PPM1H: variants seen among roughly 807,000 people sequenced by gnomAD.
The protein encoded by PPM1H is protein phosphatase 1H.
PPM1H carries 27 observed loss-of-function variants against 54.9 expected under a neutral mutation model. The observed-to-expected ratio is 0.49, with a 90% confidence interval of 0.36 to 0.68. PPM1H has a LOEUF of 0.68. PPM1H is among the 30% of genes least tolerant of loss of function. PPM1H has a pLI of 0.00. For synonymous variants in PPM1H, 305 were observed against 270.8 expected (o/e 1.13, Z -1.24); for missense variants, 596 against 667.8 (o/e 0.89, Z 1.19).
chr12:62,773,805 C>T (rs925997941), intron 4 of PPM1H, among the ~76,000 whole-genome samples: 1 of 152,150 alleles, frequency 6.6e-6, no homozygotes, highest in Non-Finnish European at 1.5e-5. Context: ...AGGGTGGGGG[C>T]TTCCTGGGAA....
chr12:62,692,120 TTCTGCGTAGGGGTACGCGGAGAA>T (rs1274513231), intron 7 of PPM1H, among the ~76,000 whole-genome samples: 1 of 152,192 alleles, frequency 6.6e-6, no homozygotes, highest in Non-Finnish European at 1.5e-5. Context: ...ACTCTGAAAT[TTCTGCGTAGGGGTACGCGGAGAA>T]GAAAGAGAAA....
chr12:62,678,729 T>C (rs147053741), intron 8 of PPM1H, among the ~76,000 whole-genome samples: 5,073 of 152,172 alleles, frequency 0.033, 244 homozygotes, highest in East Asian at 0.19. Flanking sequence ...CTTACTCTGT[T>C]GCTCAGGCTG....
chr12:62,903,910 A>G (rs1482920876), intron 1 of PPM1H, among the ~76,000 whole-genome samples: 2 of 152,208 alleles, frequency 1.3e-5, no homozygotes, highest in Admixed American at 1.3e-4. Flanking sequence ...TTCATATTTA[A>G]TCTAATTAAT....
At chr12:62,809,701 T>A (rs868405751) in intron 2 of PPM1H, among the ~76,000 whole-genome samples, 2 of 152,182 alleles carry the variant, frequency 1.3e-5, no homozygotes, top group South Asian at 4.1e-4. Flanking sequence ...CTTCAGTTAC[T>A]CCCTACTGCC....
chr12:62,755,953 T>C (rs2076472010), intron 4 of PPM1H: 1 of 909,312 alleles, frequency 1.1e-6, no homozygotes, highest in Non-Finnish European at 1.8e-6. Context: ...ATGTGTCAGT[T>C]GTGGGCCTGA....
At position 62,935,014 on chromosome 12, in the gene PPM1H, C is replaced by G. The variant is rs970019560; in HGVS notation, c.-278G>C. On this transcript the variant is annotated 5_prime_UTR_variant, in exon 1 of 10. Transcript: ENST00000228705. ...GGGGAGTCACCGCGCGCTCCAGGAGCGCCCAGGCGGCTGCAGCTGCAGCAG... is the reference window on the plus strand; with the variant it reads ...GGGGAGTCACCGCGCGCTCCAGGAGGGCCCAGGCGGCTGCAGCTGCAGCAG... 17 of 214,494 alleles carry G rather than the reference C, an allele frequency of 7.9e-5. No individual in the cohort carries two copies. The highest frequency in any genetic ancestry group is 3.7e-4 in the African/African-American group (16 of 43,288). The allele number at this position is 214,494 out of a possible 1,614,324, so 13.3% of individuals were successfully genotyped here.
intron 1 of PPM1H, among the ~76,000 whole-genome samples, chr12:62,877,984 G>A (rs1164738888): frequency 2.0e-5 from 3 of 152,070 alleles, no homozygotes; most frequent in African/African-American, 7.2e-5. Flanking sequence ...TGCAAGCTCC[G>A]CCTCCAGGGT....
chr12:62,811,897 AC>A (rs1304959111), intron 2 of PPM1H, among the ~76,000 whole-genome samples: 3 of 152,204 alleles, frequency 2.0e-5, no homozygotes, highest in African/African-American at 7.2e-5. Context: ...ATAAACTAAT[AC>A]AAATCTATCA....
At chr12:62,913,796 G>T (rs1392768266) in intron 1 of PPM1H, among the ~76,000 whole-genome samples, 1 of 152,070 alleles carries the variant, frequency 6.6e-6, no homozygotes, top group Non-Finnish European at 1.5e-5. Context: ...CGCCTCCCGG[G>T]TTCAAGCGAT....
At chr12:62,815,787 A>G (rs58709968) in intron 2 of PPM1H, among the ~76,000 whole-genome samples, 5,063 of 152,232 alleles carry the variant, frequency 0.033, 272 homozygotes, top group African/African-American at 0.12. Flanking sequence ...AAGATAACAC[A>G]TCTAGTAAGG....
At chr12:62,791,569 T>G (rs574161060) in intron 3 of PPM1H, among the ~76,000 whole-genome samples, 50 of 152,336 alleles carry the variant, frequency 3.3e-4, no homozygotes, top group African/African-American at 1.2e-3. Context: ...ATTTTTTCAC[T>G]GTCAGAATCA....
Position 62,832,130 on chromosome 12 carries a change from T to A in PPM1H, c.395A>T (p.Gln132Leu), listed in dbSNP as rs1868372592. ...GGGTCTTACCGAGTTCTCCTTCAGC[T>A]GCAGCCCTTCCCCATTGGGAAGGGA... The part of the protein sequence containing the change: ...RSSLPNGEGL[Q>L]LKENSESEGV... Residue 132 changes from glutamine to leucine, a missense_variant, in exon 2 of 10, where the codon CAG (glutamine) becomes CTG (leucine). Coordinates refer to ENST00000228705, the MANE Select transcript of PPM1H (RefSeq NM_020700.2). The A allele has an allele frequency of 6.2e-7, 1 of 1,613,754 alleles. No individual in the cohort carries two copies. The highest frequency in any genetic ancestry group is 1.7e-5 in the Admixed American group (1 of 59,998).
chr12:62,718,821 C>A (rs2076248923), intron 6 of PPM1H, among the ~76,000 whole-genome samples: 1 of 152,034 alleles, frequency 6.6e-6, no homozygotes, highest in African/African-American at 2.4e-5. Context: ...GTATGATGAC[C>A]CTGGGGCATC....
At chr12:62,783,658 G>T (rs1486895236) in intron 4 of PPM1H, among the ~76,000 whole-genome samples, 1 of 152,198 alleles carries the variant, frequency 6.6e-6, no homozygotes, top group Non-Finnish European at 1.5e-5. Flanking sequence ...CTATATTATT[G>T]AGAAAATTAA....
intron 6 of PPM1H, among the ~76,000 whole-genome samples, chr12:62,694,818 G>A (rs1486948360): frequency 1.3e-5 from 2 of 152,194 alleles, no homozygotes; most frequent in Non-Finnish European, 2.9e-5. Flanking sequence ...AAAGAGCTCA[G>A]TACAGAGCCT....
intron 6 of PPM1H, among the ~76,000 whole-genome samples, chr12:62,696,142 A>G (rs889327263): frequency 1.3e-5 from 2 of 152,248 alleles, no homozygotes; most frequent in African/African-American, 4.8e-5. Context: ...GAGCACTCTT[A>G]ACAGGCTTAG....
intron 1 of PPM1H, among the ~76,000 whole-genome samples, chr12:62,862,603 T>C (rs1482653406): frequency 6.6e-6 from 1 of 152,208 alleles, no homozygotes; most frequent in Non-Finnish European, 1.5e-5. Flanking sequence ...TAAAAGAATC[T>C]TTGTGAATTT....
chr12:62,661,897 G>C (rs889305081), intron 9 of PPM1H, among the ~76,000 whole-genome samples: 1 of 152,110 alleles, frequency 6.6e-6, no homozygotes, highest in Non-Finnish European at 1.5e-5. Context: ...TCTATTTCTT[G>C]CTGATAAACT....
chr12:62,656,651 A>G (rs910768574), intron 9 of PPM1H, among the ~76,000 whole-genome samples: 1 of 152,152 alleles, frequency 6.6e-6, no homozygotes, highest in East Asian at 1.9e-4. Context: ...TAGTGGCAGG[A>G]ACTGGGGAAT....
Sources: gnomAD v4.1 joint callset for allele counts (sites outside exome capture counted in the v4.1 genomes callset) on GRCh38, gnomAD v4.1.1 for gene constraint, MANE v1.5 for transcripts, NCBI Gene and HGNC (gene_info 2026-07-23, HGNC 2026-07-21) for gene names.